The following SPCS2 variants were observed in gnomAD, a reference collection of about 807,000 sequenced individuals.
SPCS2 encodes the protein SPase 25 kDa subunit.
Under a neutral mutation model 22.3 loss-of-function variants are expected in SPCS2, and 3 were observed. The observed-to-expected ratio is 0.13, with a 90% confidence interval of 0.06 to 0.35. The LOEUF is 0.35. SPCS2 is among the 10% of genes least tolerant of loss of function. The pLI is 1.00. For missense variants in SPCS2, 169 were observed against 280.9 expected (o/e 0.60, Z 2.85); for synonymous variants, 67 against 97.2 (o/e 0.69, Z 1.83).
At chr11:74,960,907 A>C (rs1291906467) in intron 1 of SPCS2, among the ~76,000 whole-genome samples, 3 of 152,156 alleles carry the variant, frequency 2.0e-5, no homozygotes, top group Non-Finnish European at 4.4e-5. Flanking sequence ...CCATCCCTTA[A>C]AGAAATTCTG....
chr11:74,953,357 T>C (rs548728023), intron 1 of SPCS2, among the ~76,000 whole-genome samples: 1 of 152,186 alleles, frequency 6.6e-6, no homozygotes, highest in Non-Finnish European at 1.5e-5. Context: ...CATACCCGGC[T>C]AATTTTTGTA....
At chr11:74,976,691 G>C (rs956933926) in intron 4 of SPCS2, among the ~76,000 whole-genome samples, 166 bp from the exon 5 acceptor site, 7 of 152,186 alleles carry the variant, frequency 4.6e-5, no homozygotes, top group Non-Finnish European at 7.3e-5. Flanking sequence ...TGAAAAGTTA[G>C]GAGCCCTGGG....
chr11:74,960,076 G>C (rs924216975), intron 1 of SPCS2, among the ~76,000 whole-genome samples: 1 of 152,182 alleles, frequency 6.6e-6, no homozygotes, highest in African/African-American at 2.4e-5. Context: ...TTGGCCGGGT[G>C]TGGTGGCACT....
At chr11:74,957,351 A>T (rs1204626401) in intron 1 of SPCS2, among the ~76,000 whole-genome samples, 2 of 152,230 alleles carry the variant, frequency 1.3e-5, no homozygotes, top group African/African-American at 4.8e-5. Context: ...ATATTTTTCC[A>T]GGCAGTAGGA....
At chr11:74,973,194 T>C (rs959098509) in intron 4 of SPCS2, among the ~76,000 whole-genome samples, 4 of 152,212 alleles carry the variant, frequency 2.6e-5, no homozygotes, top group Admixed American at 2.6e-4. Flanking sequence ...CCTTTGCAGC[T>C]TCCAATGCGT....
chr11:74,955,747 C>T (rs1392912642), intron 1 of SPCS2, among the ~76,000 whole-genome samples: 1 of 149,878 alleles, frequency 6.7e-6, no homozygotes, highest in Non-Finnish European at 1.5e-5. Context: ...CCTGGAGTAA[C>T]CCTTAAAGTT....
At chr11:74,972,175 C>T (rs1490645735) in intron 4 of SPCS2, among the ~76,000 whole-genome samples, 1 of 152,118 alleles carries the variant, frequency 6.6e-6, no homozygotes, top group Admixed American at 6.6e-5. Context: ...AAGTGATTCT[C>T]CTGCCTCAGC....
intron 3 of SPCS2, among the ~76,000 whole-genome samples, chr11:74,967,106 C>T (rs556122878): frequency 8.8e-4 from 134 of 152,300 alleles, no homozygotes; most frequent in African/African-American, 3.1e-3. Context: ...TAGCAAACCT[C>T]TGATAAAGCA....
At chr11:74,949,510 C>T (rs7342230) in intron 1 of SPCS2, 111 bp downstream of exon 1, 2 of 939,882 alleles carry the variant, frequency 2.1e-6, no homozygotes, top group Non-Finnish European at 1.7e-6. Context: ...GAGGGGAGCC[C>T]TTGTGTGACC....
rs920266937 is a variant in SPCS2 at position 74,978,208 on chromosome 11, C to G, written c.*1165C>G. The G allele has an allele frequency of 6.6e-6, 1 of 152,204 alleles. No individual in the cohort carries two copies. Among genetic ancestry groups the G allele is most frequent in the Non-Finnish European group, 1.5e-5 (1 of 68,050 alleles). 9.4% of individuals were successfully genotyped at this position (152,204 alleles called of 1,614,324 possible). A position where few individuals can be genotyped will look rare whatever the true frequency, so the allele number is the denominator to read the frequency against. ...GACCTTTAGGAATATTTCCCTACAG[C>G]CTTACAAAACATCAATTTTGGCTGA... On this transcript the variant is annotated 3_prime_UTR_variant, in exon 5 of 5. Transcript: ENST00000263672.
intron 3 of SPCS2, among the ~76,000 whole-genome samples, chr11:74,968,506 T>G (rs551677): frequency 1.4e-5 from 2 of 147,792 alleles, no homozygotes; most frequent in African/African-American, 5.1e-5. Flanking sequence ...TTGGTTTTTG[T>G]GGGTTTTTTT....
chr11:74,970,570 G>A (rs962776953), intron 4 of SPCS2, among the ~76,000 whole-genome samples: 18 of 152,130 alleles, frequency 1.2e-4, no homozygotes, highest in African/African-American at 3.4e-4. Flanking sequence ...ACAAATTATA[G>A]GTACAATTAT....
At chr11:74,970,800 A>G (rs1321623223) in intron 4 of SPCS2, among the ~76,000 whole-genome samples, 1 of 152,146 alleles carries the variant, frequency 6.6e-6, no homozygotes, top group African/African-American at 2.4e-5. Context: ...TCTAAAACCT[A>G]GCGGCATTAT....
chr11:74,953,083 C>T (rs573955567), intron 1 of SPCS2, among the ~76,000 whole-genome samples: 7 of 151,940 alleles, frequency 4.6e-5, no homozygotes, highest in Non-Finnish European at 8.8e-5. Flanking sequence ...AGGATGGTGC[C>T]TCTAATTGTT....
At chr11:74,963,718 A>G (rs750465730) in intron 1 of SPCS2, 1 of 321,636 alleles carries the variant, frequency 3.1e-6, no homozygotes, top group South Asian at 2.4e-5. Flanking sequence ...TTTATTTCTT[A>G]TAGGCATTAT....
intron 2 of SPCS2, 150 bp downstream of exon 2, chr11:74,965,267 A>G: frequency 1.8e-6 from 1 of 568,108 alleles, no homozygotes; most frequent in East Asian, 3.0e-5. Flanking sequence ...TCACAGAAAA[A>G]GTCAGAGGAA....
At chr11:74,949,524 A>T (rs749169729) in intron 1 of SPCS2, 125 bp downstream of exon 1, 1 of 831,394 alleles carries the variant, frequency 1.2e-6, no homozygotes, top group Non-Finnish European at 2.0e-6. Context: ...TGTGACCACT[A>T]TCACAACCCT....
Position 74,959,457 on chromosome 11 carries a change from A to G in SPCS2, c.115-5577A>G, listed in dbSNP as rs117112897. 5.0e-3 allele frequency among the ~76,000 whole-genome samples: 762 copies of G among 152,322 alleles called. 8 individuals carry two copies. Among genetic ancestry groups the G allele is most frequent in the East Asian group, 0.029 (151 of 5,188 alleles). On this transcript the variant is annotated intron_variant, in intron 1 of 4. Transcript: ENST00000263672. Reference sequence around the variant, plus strand: ...GTCCAGGCTGGAGTGCAGTGGCACAATCACGGCTCACTGCAGCCTATACCT... The same window carrying G: ...GTCCAGGCTGGAGTGCAGTGGCACAGTCACGGCTCACTGCAGCCTATACCT...
At chr11:74,965,480 G>A (rs1948538943) in intron 2 of SPCS2, among the ~76,000 whole-genome samples, 1 of 152,128 alleles carries the variant, frequency 6.6e-6, no homozygotes, top group African/African-American at 2.4e-5. Context: ...AGAGAAGATA[G>A]GACATTCATT....
Sources: allele counts gnomAD v4.1 joint callset (sites outside exome capture counted in the v4.1 genomes callset), GRCh38; gene constraint gnomAD v4.1.1; transcripts MANE v1.5; gene names NCBI Gene and HGNC (gene_info 2026-07-23, HGNC 2026-07-21).